The following MAP3K13 variants were observed in gnomAD, a reference collection of about 807,000 sequenced individuals.
The protein encoded by MAP3K13 is mitogen-activated protein kinase kinase kinase 13.
In MAP3K13, 52 loss-of-function variants were observed where a neutral mutation model predicts 104.0. That is an observed-to-expected ratio of 0.50 (90% CI 0.40 to 0.63). The LOEUF is 0.63. MAP3K13 is among the 20% of genes least tolerant of loss of function. The pLI, the probability that MAP3K13 is intolerant of heterozygous loss-of-function variation, is 0.00. For missense variants in MAP3K13, 914 were observed against 1,218.5 expected, an observed-to-expected ratio of 0.75 and a Z score of 3.72; for synonymous variants, 394 against 442.2, an observed-to-expected ratio of 0.89 and a Z score of 1.37.
chr3:185,404,114 G>A (rs1712971199), intron 1 of MAP3K13, among the ~76,000 whole-genome samples: 1 of 152,252 alleles, frequency 6.6e-6, no homozygotes, highest in Non-Finnish European at 1.5e-5. Context: ...ATCTGCAGCA[G>A]TAGCAGCCAT....
chr3:185,393,565 TCTCCTGCCTCAGC>T (rs1712200936), intron 1 of MAP3K13, among the ~76,000 whole-genome samples: 2 of 151,994 alleles, frequency 1.3e-5, no homozygotes, highest in South Asian at 4.1e-4. Flanking sequence ...TTCACGCCAT[TCTCCTGCCTCAGC>T]CTCCTGAGTA....
intron 1 of MAP3K13, among the ~76,000 whole-genome samples, chr3:185,364,545 C>A (rs1442828110): frequency 1.3e-5 from 2 of 152,160 alleles, no homozygotes; most frequent in African/African-American, 4.8e-5. Context: ...ATTATCTTTT[C>A]TCGTGAAGCA....
At chr3:185,477,156 G>A (rs1233005239) in intron 11 of MAP3K13, 170 bp from the exon 12 acceptor site, 1 of 696,720 alleles carries the variant, frequency 1.4e-6, no homozygotes, top group African/African-American at 1.8e-5. Context: ...CCCTGGAAAA[G>A]TTACTAAATG....
chr3:185,334,739 G>A, intron 2 of MAP3K13, among the ~76,000 whole-genome samples: 1 of 152,040 alleles, frequency 6.6e-6, no homozygotes, highest in Non-Finnish European at 1.5e-5. Flanking sequence ...CTCCCGAGTA[G>A]CTGGGATTAC....
At chr3:185,369,227 G>A (rs1724038812) in intron 1 of MAP3K13, among the ~76,000 whole-genome samples, 1 of 152,144 alleles carries the variant, frequency 6.6e-6, no homozygotes, top group Non-Finnish European at 1.5e-5. Context: ...AGAGCGTGCT[G>A]GGAGTGGGGT....
At chr3:185,395,262 G>T (rs920169365) in intron 1 of MAP3K13, among the ~76,000 whole-genome samples, 18 of 151,024 alleles carry the variant, frequency 1.2e-4, no homozygotes, top group African/African-American at 4.1e-4. Context: ...CTTCCAGAAT[G>T]ACATCGCTGT....
chr3:185,473,570 T>C lies in MAP3K13; in HGVS notation c.2239T>C (p.Ser747Pro). 6.2e-7 allele frequency: 1 copy of C among 1,614,160 alleles called. No homozygotes were observed. Among genetic ancestry groups the C allele is most frequent in the Non-Finnish European group, 8.5e-7 (1 of 1,180,026 alleles). The stretch of plus-strand genomic sequence containing the variant: ...ACAGTATGGGTCCTTAGACATACCC[T>C]CTGCTGAGCCAGTGGGGAGGAGCCC... ...PEQYGSLDIP[S>P]AEPVGRSPDL... Residue 747 changes from serine to proline, a missense_variant, in exon 11 of 14, where the codon TCT becomes CCT. Ser to Pro is a moderately conservative substitution (Grantham distance 74). This residue lies in a region of MAP3K13 where 583 missense variants were observed against 737.4 expected (regional missense o/e 0.79). Transcript: ENST00000265026. The surrounding 1 kb of genome is among the most constrained non-coding windows in gnomAD (Gnocchi z 4.9).
In MAP3K13 at chr3:185,429,019, GA is replaced by G. The variant is rs1338314391; in HGVS notation, c.440del (p.Lys147ArgfsTer51). The G allele has an allele frequency of 6.2e-7, 1 of 1,613,994 alleles. No homozygotes were observed. The highest frequency in any genetic ancestry group is 2.2e-5 in the East Asian group (1 of 44,888). On this transcript the variant is annotated frameshift_variant, in exon 2 of 14. Transcript: ENST00000265026. LOFTEE classifies it high-confidence loss of function. ...CLRPVWNIIG[K>X]AYSTDYKLQQ... The stretch of plus-strand genomic sequence containing the variant: ...TAAGGCCTGTATGGAATATCATTGG[GA>G]AGGCATATTCCACTGATTACAAATT...
chr3:185,339,622 G>T (rs1354126253), intron 2 of MAP3K13, among the ~76,000 whole-genome samples: 1 of 152,176 alleles, frequency 6.6e-6, no homozygotes, highest in Non-Finnish European at 1.5e-5. Context: ...ATATCTTCAG[G>T]TTTTGTGAGC....
chr3:185,286,269 C>G (rs1164329208), intron 2 of MAP3K13, among the ~76,000 whole-genome samples: 1 of 151,908 alleles, frequency 6.6e-6, no homozygotes, highest in African/African-American at 2.4e-5. Flanking sequence ...TGTTCATTTT[C>G]AGAACCTAAA....
At chr3:185,300,304 C>T (rs1721058218) in intron 2 of MAP3K13, among the ~76,000 whole-genome samples, 2 of 151,432 alleles carry the variant, frequency 1.3e-5, no homozygotes, top group African/African-American at 2.4e-5. Flanking sequence ...ATTCTCCTGC[C>T]TCAGCCTCCC....
In MAP3K13 at chr3:185,363,263, A is replaced by G. The variant is rs1437793578; in HGVS notation, c.-191A>G. ...TGGGCTGGAGGATTGTGTGGGTGGA[A>G]TCCCCCTCCCCTTTATTTTTCCAAT... On this transcript the variant is annotated 5_prime_UTR_variant, in exon 1 of 14. Transcript: ENST00000265026. 1.0e-6 allele frequency: 1 copy of G among 984,956 alleles called. No homozygotes were observed. The highest frequency in any genetic ancestry group is 1.2e-6 in the Non-Finnish European group (1 of 829,830). 61.0% of individuals were successfully genotyped at this position (984,956 alleles called of 1,614,324 possible).
chr3:185,422,040 T>C (rs1475655921), intron 1 of MAP3K13, among the ~76,000 whole-genome samples: 1 of 152,228 alleles, frequency 6.6e-6, no homozygotes, highest in Non-Finnish European at 1.5e-5. Context: ...TTATACACCC[T>C]TGAGGTTTAC....
intron 1 of MAP3K13, among the ~76,000 whole-genome samples, chr3:185,380,682 TG>T (rs1244576672): frequency 6.6e-6 from 1 of 152,178 alleles, no homozygotes; most frequent in Non-Finnish European, 1.5e-5. Context: ...AGACTTTTAA[TG>T]TGCCTAGAAA....
At chr3:185,307,541 AC>A (rs549544428) in intron 2 of MAP3K13, among the ~76,000 whole-genome samples, 1 of 71,066 alleles carries the variant, frequency 1.4e-5, no homozygotes. Context: ...TTGGTGCACC[AC>A]CCCCTCCCCC....
intron 1 of MAP3K13, among the ~76,000 whole-genome samples, chr3:185,407,283 A>G (rs969868778): frequency 6.6e-6 from 1 of 152,178 alleles, no homozygotes; most frequent in Admixed American, 6.5e-5. Flanking sequence ...TGGCTTTCAG[A>G]TTCTAAAGAT....
At chr3:185,406,354 A>G (rs1420540305) in intron 1 of MAP3K13, among the ~76,000 whole-genome samples, 2 of 152,252 alleles carry the variant, frequency 1.3e-5, no homozygotes, top group African/African-American at 2.4e-5. Context: ...CATATTTAGA[A>G]GTATGCTAAG....
chr3:185,395,488 A>G (rs1215719293), intron 1 of MAP3K13, among the ~76,000 whole-genome samples: 1 of 105,926 alleles, frequency 9.4e-6, no homozygotes, highest in African/African-American at 3.5e-5. Context: ...CCTCCCAAGT[A>G]GCTGGGACTA....
intron 2 of MAP3K13, chr3:185,329,208 T>C (rs1186242895): frequency 2.8e-6 from 2 of 703,006 alleles, no homozygotes; most frequent in East Asian, 5.4e-5. Flanking sequence ...TGATTTCTAA[T>C]GTCTTATGTT....
Sources: allele counts gnomAD v4.1 joint callset (sites outside exome capture counted in the v4.1 genomes callset), GRCh38; gene constraint gnomAD v4.1.1; regional missense constraint gnomAD v4.1.1; non-coding constraint Gnocchi (gnomAD v3.1); transcripts MANE v1.5; gene names NCBI Gene and HGNC (gene_info 2026-07-23, HGNC 2026-07-21).